The following TTLL11 variants were observed in gnomAD, a reference collection of about 807,000 sequenced individuals.
The protein encoded by TTLL11 is tubulin tyrosine ligase like 11.
In TTLL11, 42 loss-of-function variants were observed where a neutral mutation model predicts 51.7. The observed-to-expected ratio is 0.81, with a 90% CI of 0.64 to 1.05. TTLL11 has a LOEUF of 1.05. Among genes scored for constraint, TTLL11 ranks in the 50% least tolerant of loss-of-function variants. The probability of loss-of-function intolerance (pLI) is 0.00; values close to 1 mark genes in which losing one functional copy is unlikely to be tolerated. For synonymous variants in TTLL11, 381 were observed against 383.5 expected (o/e 0.99, Z 0.08); for missense variants, 799 against 940.4 (o/e 0.85, Z 1.97).
In TTLL11 at chr9:121,874,826, G is replaced by A. The variant is rs144662206; in HGVS notation, c.1482-4078C>T. On this transcript the variant is annotated intron_variant, in intron 6 of 8. Coordinates refer to ENST00000321582, the MANE Select transcript of TTLL11 (RefSeq NM_001139442.2). ...GGCTGCAGTGCAGTGGCGTGATCTC[G>A]GCTCACTGCAACCTCCGCCTCCCGG... 4.3e-4 allele frequency among the ~76,000 whole-genome samples: 65 copies of A among 150,346 alleles called. No individual in the cohort carries two copies. In the East Asian group the frequency reaches 0.012, roughly 27 times the overall value.
intron 6 of TTLL11, among the ~76,000 whole-genome samples, chr9:121,943,675 T>A (rs1172300870): frequency 6.6e-6 from 1 of 152,228 alleles, no homozygotes; most frequent in Non-Finnish European, 1.5e-5. Context: ...CACTCTCCAG[T>A]GAGCACCTCA....
At chr9:121,949,464 A>C (rs1338316065) in intron 6 of TTLL11, among the ~76,000 whole-genome samples, 3 of 152,238 alleles carry the variant, frequency 2.0e-5, no homozygotes, top group Non-Finnish European at 4.4e-5. Context: ...CTGTGAAATG[A>C]CAATGAGCAT....
intron 6 of TTLL11, among the ~76,000 whole-genome samples, chr9:121,909,084 G>A (rs1840029726): frequency 1.3e-5 from 2 of 152,028 alleles, no homozygotes; most frequent in South Asian, 4.2e-4. Flanking sequence ...ATCCCTTCAT[G>A]TGTTCATATG....
chr9:122,002,300 G>A (rs1006434254), intron 3 of TTLL11, among the ~76,000 whole-genome samples: 2 of 152,174 alleles, frequency 1.3e-5, no homozygotes, highest in African/African-American at 2.4e-5. Flanking sequence ...CAGATGCCCC[G>A]ACTGCTCTTC....
chr9:121,818,861 A>C lies in TTLL11; in HGVS notation c.*3726T>G, dbSNP rs1836487596. ...GGTGCAGGGGTCAGGTGCGGGCCTT[A>C]GGATGGAAAGAAGGGAAGGGTGCCG... On this transcript the variant is annotated 3_prime_UTR_variant, in exon 9 of 9. Transcript: ENST00000321582. 1 of 152,718 alleles carries C rather than the reference A, an allele frequency of 6.5e-6. No homozygotes were observed. The highest frequency in any genetic ancestry group is 6.5e-5 in the Admixed American group (1 of 15,284). The allele number at this position is 152,718 out of a possible 1,614,324, so 9.5% of individuals were successfully genotyped here.
chr9:122,082,623 T>G (rs1011519918), intron 1 of TTLL11, among the ~76,000 whole-genome samples: 4 of 152,090 alleles, frequency 2.6e-5, no homozygotes, highest in African/African-American at 9.7e-5. Context: ...AATGGACTAT[T>G]AGGTTGTTAA....
intron 6 of TTLL11, among the ~76,000 whole-genome samples, chr9:121,915,334 G>T (rs1422085580): frequency 2.0e-5 from 3 of 152,190 alleles, no homozygotes; most frequent in African/African-American, 4.8e-5. Flanking sequence ...ACATACGAAA[G>T]TGCCATTTTG....
chr9:121,992,704 C>G (rs545178961), intron 3 of TTLL11, among the ~76,000 whole-genome samples: 1 of 152,156 alleles, frequency 6.6e-6, no homozygotes, highest in East Asian at 1.9e-4. Context: ...TACCTTGTAA[C>G]GGTATACACG....
intron 8 of TTLL11, among the ~76,000 whole-genome samples, chr9:121,841,968 C>T (rs1837364912): frequency 6.6e-6 from 1 of 152,036 alleles, no homozygotes; most frequent in Non-Finnish European, 1.5e-5. Flanking sequence ...TGGAAGTGTC[C>T]CAATTCTTCC....
At chr9:121,922,741 A>G (rs377685188) in intron 6 of TTLL11, among the ~76,000 whole-genome samples, 105 of 146,446 alleles carry the variant, frequency 7.2e-4, no homozygotes, top group Non-Finnish European at 1.4e-3. Context: ...ATTTTAGCGC[A>G]AAGGGTCAAT....
At chr9:121,983,306 T>A (rs1409295585) in intron 4 of TTLL11, among the ~76,000 whole-genome samples, 1 of 152,150 alleles carries the variant, frequency 6.6e-6, no homozygotes, top group African/African-American at 2.4e-5. Flanking sequence ...ACTTTGGACG[T>A]GTTCAGTGTT....
At chr9:121,889,104 C>T (rs78417002) in intron 6 of TTLL11, among the ~76,000 whole-genome samples, 268 of 152,174 alleles carry the variant, frequency 1.8e-3, no homozygotes, top group African/African-American at 6.0e-3. Context: ...CTGTGGCAGG[C>T]ATGTTAGGTG....
intron 4 of TTLL11, among the ~76,000 whole-genome samples, chr9:121,984,962 CAG>C (rs1181975838): frequency 6.6e-6 from 1 of 152,138 alleles, no homozygotes; most frequent in Non-Finnish European, 1.5e-5. Context: ...TAGGCAATGA[CAG>C]GGGACAGGCT....
intron 4 of TTLL11, among the ~76,000 whole-genome samples, chr9:121,982,690 T>C (rs1453182613): frequency 8.0e-6 from 1 of 125,526 alleles, no homozygotes; most frequent in Non-Finnish European, 1.6e-5. Flanking sequence ...CACTCCAGCC[T>C]GGGTCAACAA....
intron 8 of TTLL11, among the ~76,000 whole-genome samples, chr9:121,847,594 T>A (rs1837554841): frequency 6.6e-6 from 1 of 152,148 alleles, no homozygotes; most frequent in Non-Finnish European, 1.5e-5. Flanking sequence ...TTATGAAAAC[T>A]CACACGAGAA....
chr9:121,955,937 T>A (rs1408415463), intron 6 of TTLL11, among the ~76,000 whole-genome samples: 3 of 152,140 alleles, frequency 2.0e-5, no homozygotes, highest in Non-Finnish European at 4.4e-5. Context: ...GGAACATAAT[T>A]TATCTATTGT....
At chr9:122,075,538 C>G (rs1020318003) in intron 1 of TTLL11, among the ~76,000 whole-genome samples, 4 of 152,210 alleles carry the variant, frequency 2.6e-5, no homozygotes, top group Non-Finnish European at 5.9e-5. Context: ...CCTTCGTTCT[C>G]TAAACACAGA....
chr9:121,894,899 T>A (rs1839393155), intron 6 of TTLL11, among the ~76,000 whole-genome samples: 1 of 152,032 alleles, frequency 6.6e-6, no homozygotes, highest in Admixed American at 6.6e-5. Context: ...AAAGTATAAT[T>A]TTTTTAAAAA....
intron 1 of TTLL11, among the ~76,000 whole-genome samples, chr9:122,052,304 A>G (rs1014906206): frequency 1.3e-5 from 2 of 152,166 alleles, no homozygotes; most frequent in Non-Finnish European, 2.9e-5. Context: ...ACTCTTGCCT[A>G]TGGAAAATGG....
Sources: gnomAD v4.1 joint callset for allele counts (sites outside exome capture counted in the v4.1 genomes callset) on GRCh38, gnomAD v4.1.1 for gene constraint, MANE v1.5 for transcripts, NCBI Gene and HGNC (gene_info 2026-07-23, HGNC 2026-07-21) for gene names.